The following ROCK1 variants were observed in gnomAD, a reference collection of about 807,000 sequenced individuals.
The protein encoded by ROCK1 is Rho associated coiled-coil containing protein kinase 1.
Under a neutral mutation model 196.8 loss-of-function variants are expected in ROCK1, and 36 were observed. The observed-to-expected ratio is 0.18, with a 90% confidence interval of 0.14 to 0.24. The LOEUF (loss-of-function observed/expected upper bound fraction) is 0.24, where lower values mean the gene tolerates loss of function less well. Among genes scored for constraint, ROCK1 ranks in the 10% least tolerant of loss-of-function variants. The pLI, the probability that ROCK1 is intolerant of heterozygous loss-of-function variation, is 1.00. For synonymous variants in ROCK1, 443 were observed against 515.9 expected, an observed-to-expected ratio of 0.86 and a Z score of 1.91; for missense variants, 920 against 1,562.0, an observed-to-expected ratio of 0.59 and a Z score of 6.93.
At chr18:21,061,529 C>G (rs1275239784) in intron 2 of ROCK1, among the ~76,000 whole-genome samples, 1 of 152,050 alleles carries the variant, frequency 6.6e-6, no homozygotes, top group Non-Finnish European at 1.5e-5. Context: ...GGAACTGTTC[C>G]GAATGGTATT....
At chr18:21,086,978 T>C (rs1053065514) in intron 1 of ROCK1, among the ~76,000 whole-genome samples, 5 of 151,734 alleles carry the variant, frequency 3.3e-5, no homozygotes, top group African/African-American at 9.7e-5. Flanking sequence ...AAGCAAAAAT[T>C]ATAATGTTGC....
chr18:21,001,206 T>C (rs189574591), intron 16 of ROCK1, among the ~76,000 whole-genome samples: 1 of 152,296 alleles, frequency 6.6e-6, no homozygotes, highest in Admixed American at 6.5e-5. Context: ...ATGCCATTTA[T>C]ACGAAATATC....
chr18:21,070,645 T>C (rs746193655), intron 1 of ROCK1, 32 bp from the exon 2 acceptor site: 3 of 1,419,420 alleles, frequency 2.1e-6, no homozygotes, highest in South Asian at 1.2e-5. Context: ...GGTTAGTTTT[T>C]TGGATCACAT....
intron 22 of ROCK1, among the ~76,000 whole-genome samples, chr18:20,972,416 G>C (rs2035437866): frequency 6.6e-6 from 1 of 152,130 alleles, no homozygotes; most frequent in South Asian, 2.1e-4. Flanking sequence ...TAGACAGCTG[G>C]ATACGTAAGT....
At chr18:21,032,386 A>ACT (rs2036016078) in intron 9 of ROCK1, among the ~76,000 whole-genome samples, 1 of 152,214 alleles carries the variant, frequency 6.6e-6, no homozygotes, top group African/African-American at 2.4e-5. Context: ...TATACAGAAA[A>ACT]GGAAAAGAAG....
chr18:21,102,899 G>C lies in ROCK1; in HGVS notation c.93+7919C>G, dbSNP rs575333618. On this transcript the variant is annotated intron_variant, in intron 1 of 32. Coordinates refer to ENST00000399799, the MANE Select transcript of ROCK1 (RefSeq NM_005406.3). Reference sequence around the variant, plus strand: ...AAAAAGTAGTTCAAGACAACAATCTGAGAAAATTTTCAATTTCTTGCCAAA... The same window carrying C: ...AAAAAGTAGTTCAAGACAACAATCTCAGAAAATTTTCAATTTCTTGCCAAA... Among the ~76,000 whole-genome samples, 9 of 151,880 alleles carry C rather than the reference G, an allele frequency of 5.9e-5. No homozygotes were observed. The South Asian group carries it at 1.9e-3, about 32-fold the overall frequency.
chr18:21,089,206 C>T (rs1175385937), intron 1 of ROCK1, among the ~76,000 whole-genome samples: 6 of 152,028 alleles, frequency 3.9e-5, no homozygotes, highest in East Asian at 3.9e-4. Context: ...TACAGGGGCA[C>T]GCCACCACAT....
At chr18:20,969,835 C>T (rs944881077) in intron 23 of ROCK1, 2 of 152,128 alleles carry the variant, frequency 1.3e-5, no homozygotes, top group African/African-American at 4.8e-5. Flanking sequence ...AGTGGCTTTA[C>T]AAGAAAAATC....
chr18:20,990,998 G>A (rs2035620408), intron 18 of ROCK1, among the ~76,000 whole-genome samples, 178 bp downstream of exon 18: 1 of 152,082 alleles, frequency 6.6e-6, no homozygotes, highest in African/African-American at 2.4e-5. Flanking sequence ...GGCCTCAAGT[G>A]ACCCATTGGC....
Position 20,959,837 on chromosome 18 carries a change from T to C in ROCK1, c.3512+3A>G. 1 of 1,533,080 alleles carries C rather than the reference T, an allele frequency of 6.5e-7. No individual in the cohort carries two copies. The highest frequency in any genetic ancestry group is 8.8e-7 in the Non-Finnish European group (1 of 1,136,608). The allele number at this position is 1,533,080 out of a possible 1,614,324, so 95.0% of individuals were successfully genotyped here. A position where few individuals can be genotyped will look rare whatever the true frequency, so the allele number is the denominator to read the frequency against. ...CTTTAAAATTCAATCAAAGGCAACT[T>C]ACTCTATGTCCAATACCATAGATGG... On this transcript the variant is annotated splice_donor_region_variant and intron_variant, in intron 29 of 32. Transcript: ENST00000399799.
chr18:20,982,773 T>C lies in ROCK1; in HGVS notation c.2549A>G (p.Gln850Arg). The stretch of plus-strand genomic sequence containing the variant: ...ATGATTCTCACTTACCGAGAAATAT[T>C]GCTCAGCTTCAAGCTGATCTTGTAG... ...RELQDQLEAE[Q>R]YFSTLYKTQV... The change falls in exon 21 of 33, where the codon CAA (glutamine) becomes CGA (arginine). Residue 850 changes from glutamine to arginine, a missense_variant. By Grantham distance (43) the Gln-to-Arg change is conservative. This residue lies in a region of ROCK1 where 520 missense variants were observed against 657.1 expected (regional missense o/e 0.79). Coordinates refer to ENST00000399799, the MANE Select transcript of ROCK1 (RefSeq NM_005406.3). The C allele has an allele frequency of 6.5e-7, 1 of 1,535,308 alleles. No individual in the cohort carries two copies. The highest frequency in any genetic ancestry group is 2.3e-5 in the East Asian group (1 of 44,354).
intron 9 of ROCK1, among the ~76,000 whole-genome samples, chr18:21,032,066 G>T (rs1489513822): frequency 9.2e-5 from 14 of 152,120 alleles, no homozygotes; most frequent in Admixed American, 2.6e-4. Flanking sequence ...AGAAATAATG[G>T]CCAAACCTTT....
At chr18:21,051,987 T>G (rs1284914165) in intron 2 of ROCK1, among the ~76,000 whole-genome samples, 1 of 152,038 alleles carries the variant, frequency 6.6e-6, no homozygotes, top group Non-Finnish European at 1.5e-5. Context: ...ATTTTAAGAG[T>G]ATTGTAATAC....
rs1374498621 is a variant in ROCK1, at chr18:21,096,791, C to A, written c.93+14027G>T. 4.6e-5 allele frequency among the ~76,000 whole-genome samples: 7 copies of A among 152,126 alleles called. No homozygotes were observed. In the East Asian group the frequency reaches 1.3e-3, roughly 29 times the overall value. On this transcript the variant is annotated intron_variant, in intron 1 of 32. Coordinates refer to ENST00000399799, the MANE Select transcript of ROCK1 (RefSeq NM_005406.3). ...AATGGGGAAAGGGGAGATAATCATT[C>A]ACACCAATCAATAAGTAATACTGAA...
intron 1 of ROCK1, among the ~76,000 whole-genome samples, chr18:21,091,822 T>C (rs1420180611): frequency 6.6e-6 from 1 of 151,660 alleles, no homozygotes; most frequent in Non-Finnish European, 1.5e-5. Context: ...ACACAAAAAT[T>C]AGCCCAGCGT....
intron 27 of ROCK1, among the ~76,000 whole-genome samples, chr18:20,960,963 T>C (rs1191482939): frequency 6.6e-6 from 1 of 152,164 alleles, no homozygotes; most frequent in Non-Finnish European, 1.5e-5. Flanking sequence ...CAGAATCCAT[T>C]TGGTCTACTG....
At chr18:20,966,615 T>C (rs756038794) in intron 27 of ROCK1, among the ~76,000 whole-genome samples, 13 of 152,250 alleles carry the variant, frequency 8.5e-5, no homozygotes, top group Non-Finnish European at 1.5e-4. Flanking sequence ...AGATGTGTAG[T>C]AGCAGCTTTG....
chr18:21,076,750 G>A (rs544591757), intron 1 of ROCK1, among the ~76,000 whole-genome samples: 1 of 151,954 alleles, frequency 6.6e-6, no homozygotes, highest in Admixed American at 6.6e-5. Flanking sequence ...CAGCAAATTG[G>A]TGGACTAGGA....
chr18:21,012,300 C>T (rs1405995824), intron 13 of ROCK1, among the ~76,000 whole-genome samples: 3 of 152,244 alleles, frequency 2.0e-5, no homozygotes, highest in African/African-American at 7.2e-5. Flanking sequence ...TTTTCTTTTG[C>T]AATTCCTTTA....
Sources: gnomAD v4.1 joint callset for allele counts (sites outside exome capture counted in the v4.1 genomes callset) on GRCh38, gnomAD v4.1.1 for gene constraint, gnomAD v4.1.1 regional missense constraint, MANE v1.5 for transcripts, NCBI Gene and HGNC (gene_info 2026-07-23, HGNC 2026-07-21) for gene names.